The following ZNF718 variants were observed in gnomAD, a reference collection of about 807,000 sequenced individuals.
ZNF718 encodes zinc finger protein 718.
Under a neutral mutation model 2.6 loss-of-function variants are expected in ZNF718, and 3 were observed. That is an observed-to-expected ratio of 1.16 (90% CI 0.53 to 3.01). The LOEUF (loss-of-function observed/expected upper bound fraction) is 3.01, where lower values mean the gene tolerates loss of function less well. Ranked by LOEUF, ZNF718 falls within the 30% of genes most tolerant of loss-of-function variation. The pLI is 0.03. For missense variants in ZNF718, 468 were observed against 230.0 expected (o/e 2.03, Z -6.69); for synonymous variants, 135 against 77.9 (o/e 1.73, Z -3.86).
intron 3 of ZNF718, 30 bp from the exon 4 acceptor site, chr4:160,882 G>T (rs781844867): frequency 1.4e-6 from 1 of 729,528 alleles, no homozygotes; most frequent in South Asian, 1.5e-5. Context: ...TCTAGTAAGT[G>T]GGATAATTTG....
At chr4:133,195 A>AAAAAAATATAT (rs1258303094) in intron 3 of ZNF718, among the ~76,000 whole-genome samples, 1 of 20,770 alleles carries the variant, frequency 4.8e-5, no homozygotes, top group African/African-American at 1.7e-4. Flanking sequence ...AAAAAAAAAA[A>AAAAAAATATAT]ATATATATAT....
At chr4:199,340 T>A (rs888139748) in intron 3 of ZNF718, among the ~76,000 whole-genome samples, 17 of 152,358 alleles carry the variant, frequency 1.1e-4, no homozygotes, top group African/African-American at 4.1e-4. Flanking sequence ...TAAATTAATA[T>A]CTGTGCAGCA....
In ZNF718 at chr4:175,283, A is replaced by C. The variant is rs187977011; in HGVS notation, c.227-25798A>C. On this transcript the variant is annotated intron_variant and NMD_transcript_variant, in intron 3 of 4. Coordinates refer to the ZNF718 transcript ENST00000642529. ...CTTTTGGATCGCAACTAACCTCTTT[A>C]CAAAAGAACCCCTTTACTGTCATAC... is the stretch of plus-strand genomic sequence containing the variant. 7.2e-5 allele frequency among the ~76,000 whole-genome samples: 11 copies of C among 152,290 alleles called. No homozygotes were observed. The East Asian group carries it at 1.2e-3, about 16-fold the overall frequency.
At chr4:192,816 A>G (rs778266016) in intron 3 of ZNF718, among the ~76,000 whole-genome samples, 4 of 152,194 alleles carry the variant, frequency 2.6e-5, no homozygotes, top group Non-Finnish European at 5.9e-5. Context: ...AAACTTAACA[A>G]GGGGGTTAAA....
At chr4:141,569 G>A (rs1162918433) in intron 3 of ZNF718, among the ~76,000 whole-genome samples, 3 of 152,150 alleles carry the variant, frequency 2.0e-5, no homozygotes, top group Admixed American at 1.3e-4. Context: ...ATTCAGAAAG[G>A]AGGTAAACAG....
intron 3 of ZNF718, among the ~76,000 whole-genome samples, chr4:148,163 C>T (rs190181224): frequency 6.6e-6 from 1 of 152,206 alleles, no homozygotes. Context: ...CAGGGAATGG[C>T]GCTGGTTACA....
intron 3 of ZNF718, among the ~76,000 whole-genome samples, chr4:142,601 A>G (rs1180426940): frequency 1.3e-5 from 2 of 152,218 alleles, no homozygotes; most frequent in Admixed American, 6.5e-5. Flanking sequence ...GCAATGATTT[A>G]AAAAGGTATC....
intron 3 of ZNF718, among the ~76,000 whole-genome samples, chr4:153,433 T>C (rs1553813013): frequency 6.6e-6 from 1 of 152,164 alleles, no homozygotes; most frequent in East Asian, 1.9e-4. Flanking sequence ...TAAGCTTGTT[T>C]TTTCCATTTC....
intron 3 of ZNF718, among the ~76,000 whole-genome samples, chr4:149,311 C>T: frequency 6.6e-6 from 1 of 152,104 alleles, no homozygotes; most frequent in East Asian, 1.9e-4. Context: ...CTTTACATTT[C>T]ATGCCAAAGA....
intron 3 of ZNF718, among the ~76,000 whole-genome samples, chr4:147,038 T>C (rs533690743): frequency 6.6e-6 from 1 of 152,160 alleles, no homozygotes; most frequent in African/African-American, 2.4e-5. Flanking sequence ...TGGGGTGATC[T>C]TGACTCACTG....
rs951154612 is a variant in ZNF718, at chr4:175,784, T to A, written c.227-25297T>A. 1.7e-4 allele frequency among the ~76,000 whole-genome samples: 25 copies of A among 151,010 alleles called. 1 individual carries two copies. Among genetic ancestry groups the A allele is most frequent in the African/African-American group, 6.1e-4 (25 of 41,194 alleles). On this transcript the variant is annotated intron_variant and NMD_transcript_variant, in intron 3 of 4. Transcript: ENST00000642529. The stretch of plus-strand genomic sequence containing the variant: ...AGGGAAGAGTTAACTGTGACCCTCC[T>A]CAATTTAAACCTCAAAGCCATAATC...
downstream of ZNF718, among the ~76,000 whole-genome samples, chr4:164,730 A>G (rs1717048365): frequency 6.6e-6 from 1 of 152,184 alleles, no homozygotes; most frequent in Non-Finnish European, 1.5e-5. Context: ...CTGTTTAGTT[A>G]CTGTTCCTTT....
At chr4:136,875 T>C (rs1479007540) in intron 3 of ZNF718, among the ~76,000 whole-genome samples, 1 of 152,208 alleles carries the variant, frequency 6.6e-6, no homozygotes, top group Admixed American at 6.5e-5. Context: ...TTTTTGGCTT[T>C]TGTAAGTGAT....
At chr4:200,584 T>G (rs1187663866) in intron 3 of ZNF718, among the ~76,000 whole-genome samples, 2 of 152,330 alleles carry the variant, frequency 1.3e-5, no homozygotes, top group East Asian at 3.9e-4. Flanking sequence ...TGTTTTGTTT[T>G]GTTTTTGTTT....
intron 1 of ZNF718, chr4:125,000 C>A: frequency 3.3e-6 from 1 of 300,266 alleles, no homozygotes; most frequent in Non-Finnish European, 6.4e-6. Context: ...CTACTTTACC[C>A]TGTTCAGAAT....
intron 3 of ZNF718, among the ~76,000 whole-genome samples, chr4:153,239 G>A (rs1553812979): frequency 6.6e-6 from 1 of 151,956 alleles, no homozygotes; most frequent in African/African-American, 2.4e-5. Context: ...CTAGGTTCAT[G>A]GATTTATTAC....
At chr4:185,105 TGA>T (rs2108814446) in intron 3 of ZNF718, among the ~76,000 whole-genome samples, 1 of 152,302 alleles carries the variant, frequency 6.6e-6, no homozygotes, top group Admixed American at 6.5e-5. Flanking sequence ...GTTGATGACT[TGA>T]GATCTTTTTA....
rs1193781599 is a variant in ZNF718, at chr4:133,205, T to A, written c.226+1700T>A. On this transcript the variant is annotated intron_variant, in intron 3 of 3. Transcript: ENST00000510175. The stretch of plus-strand genomic sequence containing the variant: ...AAAAAAAAAAAAAAAAATATATATA[T>A]ATATATATATATATATATATATATG... Among the ~76,000 whole-genome samples, 156 of 21,846 alleles carry A rather than the reference T, an allele frequency of 7.1e-3. 10 individuals carry two copies. Among genetic ancestry groups the A allele is most frequent in the African/African-American group, 0.035 (144 of 4,172 alleles). The allele number at this position is 21,846 out of a possible 152,430, so 14.3% of individuals were successfully genotyped here.
At chr4:177,322 A>C (rs747226335) in intron 3 of ZNF718, among the ~76,000 whole-genome samples, 1 of 151,060 alleles carries the variant, frequency 6.6e-6, no homozygotes, top group Non-Finnish European at 1.5e-5. Flanking sequence ...GTCTTGACAC[A>C]CTGACTGCAG....
Sources: gnomAD v4.1 joint callset for allele counts (sites outside exome capture counted in the v4.1 genomes callset) on GRCh38, gnomAD v4.1.1 for gene constraint, MANE v1.5 for transcripts, NCBI Gene and HGNC (gene_info 2026-07-23, HGNC 2026-07-21) for gene names.